The following USP19 variants were observed in gnomAD, a reference collection of about 807,000 sequenced individuals.
USP19 encodes ubiquitin specific peptidase 19, also known as ubiquitin carboxyl-terminal hydrolase 19.
Under a neutral mutation model 144.8 loss-of-function variants are expected in USP19, and 40 were observed. That is an observed-to-expected ratio of 0.28 (90% CI 0.21 to 0.36). The LOEUF (loss-of-function observed/expected upper bound fraction) is 0.36. USP19 is among the 10% of genes least tolerant of loss of function. The pLI is 1.00. For missense variants in USP19, 1,518 were observed against 1,822.5 expected, an observed-to-expected ratio of 0.83 and a Z score of 3.04; for synonymous variants, 701 against 709.3, an observed-to-expected ratio of 0.99 and a Z score of 0.19.
rs1222449410 is a variant in USP19 at position 49,115,339 on chromosome 3, G to C, written c.1911C>G (p.Ile637Met). ...FFHDRSFEAE[I>M]NYNNPLGTGG... ...CAGTCCCTAGTGGGTTGTTGTAGTT[G>C]ATCTCAGCCTCAAAGGAGCGGTCTA... Residue 637 changes from isoleucine (I) to methionine (M), a missense_variant, in exon 13 of 27, where the codon ATC (isoleucine) becomes ATG (methionine). By Grantham distance (10) the Ile-to-Met change is conservative. Around this residue, in one of 5 missense-constraint regions of USP19, gnomAD observed 158 missense variants for 277.3 expected, o/e 0.57. Coordinates refer to ENST00000417901, the MANE Select transcript of USP19 (RefSeq NM_001199161.2). The surrounding 1 kb of genome is among the most constrained non-coding windows in gnomAD (Gnocchi z 6.6). 6.2e-7 allele frequency: 1 copy of C among 1,614,154 alleles called. No individual in the cohort carries two copies. Among genetic ancestry groups the C allele is most frequent in the Non-Finnish European group, 8.5e-7 (1 of 1,180,036 alleles).
chr3:49,109,686 C>T (rs187667486), intron 26 of USP19, among the ~76,000 whole-genome samples: 1 of 152,336 alleles, frequency 6.6e-6, no homozygotes, highest in Non-Finnish European at 1.5e-5. Flanking sequence ...GCCTATGGCA[C>T]ACCATGTCAC....
Position 49,110,680 on chromosome 3 carries a change from C to G in USP19, c.3698+31G>C. 1 of 1,612,162 alleles carries G rather than the reference C, an allele frequency of 6.2e-7. No individual in the cohort carries two copies. On this transcript the variant is annotated intron_variant, in intron 24 of 26. Coordinates refer to ENST00000417901, the MANE Select transcript of USP19 (RefSeq NM_001199161.2). The surrounding 1 kb of genome is among the most constrained non-coding windows in gnomAD (Gnocchi z 6.1). ...GGATGCCCATCCTGGTCCTCACACC[C>G]CACCCACAGTTACCAAGGTCCACTG...
rs771801780 is a variant in USP19 at position 49,108,393 on chromosome 3, C to A, written c.*19G>T. ...TGTGGGTGTCCCAAACCCAGTCCCC[C>A]CCATCAGCCAGGGACCTGCTAATCC... On this transcript the variant is annotated 3_prime_UTR_variant, in exon 27 of 27. Transcript: ENST00000417901. This position sits in a 1 kb window ranked among gnomAD's most constrained non-coding sequence, Gnocchi z 4.8. The A allele has an allele frequency of 9.0e-6, 10 of 1,106,898 alleles. No homozygotes were observed. The highest frequency in any genetic ancestry group is 6.0e-5 in the Admixed American group (2 of 33,582). 68.6% of individuals were successfully genotyped at this position (1,106,898 alleles called of 1,614,324 possible).
At position 49,110,083 on chromosome 3, in the gene USP19, C is replaced by G. The variant is rs2042913901; in HGVS notation, c.4038+101G>C. On this transcript the variant is annotated intron_variant, in intron 26 of 26. Coordinates refer to ENST00000417901, the MANE Select transcript of USP19 (RefSeq NM_001199161.2). This position sits in a 1 kb window ranked among gnomAD's most constrained non-coding sequence, Gnocchi z 6.1. ...TGCAATTCTCATGAATCCCAAGGCT[C>G]AATGGGCCTGTGGCTGGAGGAGAGG... 1 of 1,343,048 alleles carries G rather than the reference C, an allele frequency of 7.4e-7. No homozygotes were observed. Among genetic ancestry groups the G allele is most frequent in the African/African-American group, 1.5e-5 (1 of 68,246 alleles). The allele number at this position is 1,343,048 out of a possible 1,614,324, so 83.2% of individuals were successfully genotyped here. A position where few individuals can be genotyped will look rare whatever the true frequency, so the allele number is the denominator to read the frequency against.
chr3:49,111,093 C>T lies in USP19; in HGVS notation c.3402G>A (p.Glu1134=). ...GCTCCTTGGAGGCTACCAACACAAA[C>T]TCCTGCAAGCGCTCATTGTTCCGCC... is the stretch of plus-strand genomic sequence containing the variant. ...LVWRNNERLQ[E]FVLVASKELE... The change falls in exon 23 of 27, where the codon GAG becomes GAA. Residue 1134 remains glutamate, a synonymous_variant. Transcript: ENST00000417901. The surrounding 1 kb of genome is among the most constrained non-coding windows in gnomAD (Gnocchi z 5.9). 1 of 1,613,996 alleles carries T rather than the reference C, an allele frequency of 6.2e-7. No individual in the cohort carries two copies. The highest frequency in any genetic ancestry group is 8.5e-7 in the Non-Finnish European group (1 of 1,180,044).
Position 49,108,492 on chromosome 3 carries a change from TG to T in USP19, c.4074del (p.Thr1359ArgfsTer65), listed in dbSNP as rs1433203563. 10 of 1,265,202 alleles carry T rather than the reference TG, an allele frequency of 7.9e-6. No individual in the cohort carries two copies. Among genetic ancestry groups the T allele is most frequent in the Non-Finnish European group, 9.2e-6 (9 of 980,620 alleles). The allele number at this position is 1,265,202 out of a possible 1,614,324, so 78.4% of individuals were successfully genotyped here. A position where few individuals can be genotyped will look rare whatever the true frequency, so the allele number is the denominator to read the frequency against. The stretch of plus-strand genomic sequence containing the variant: ...GCGAAGCGTTCAGGGGCTGTCCGCG[TG>T]GGGGCCACCTCGGGGGCCTGGCCAG... The part of the protein sequence containing the change: ...LGPGQAPEVA[P>X]TRTAPERFAP... On this transcript the variant is annotated frameshift_variant, in exon 27 of 27. Coordinates refer to ENST00000417901, the MANE Select transcript of USP19 (RefSeq NM_001199161.2). LOFTEE classifies it high-confidence loss of function. The surrounding 1 kb of genome is among the most constrained non-coding windows in gnomAD (Gnocchi z 4.8).
In USP19 at chr3:49,108,527, C is replaced by A; in HGVS notation, c.4040G>T (p.Gly1347Val). The change falls in exon 27 of 27, where the codon GGA becomes GTA. Residue 1347 changes from glycine to valine, a missense_variant and splice_region_variant. Gly to Val is a moderately radical substitution (Grantham distance 109). Transcript: ENST00000417901. This position sits in a 1 kb window ranked among gnomAD's most constrained non-coding sequence, Gnocchi z 4.8. The stretch of plus-strand genomic sequence containing the variant: ...CTCGGGGGCCTGGCCAGGGCCTAGT[C>A]CCTGCAACAGAATACGAGGACAGGG... ...GPAAEAAASQ[G>V]LGPGQAPEVA... The A allele has an allele frequency of 8.0e-7, 1 of 1,253,144 alleles. No homozygotes were observed. The highest frequency in any genetic ancestry group is 1.0e-6 in the Non-Finnish European group (1 of 978,080). The allele number at this position is 1,253,144 out of a possible 1,614,324, so 77.6% of individuals were successfully genotyped here. A position where few individuals can be genotyped will look rare whatever the true frequency, so the allele number is the denominator to read the frequency against.
chr3:49,112,276 G>T lies in USP19; in HGVS notation c.2765+8C>A, dbSNP rs1436014112. 6.2e-7 allele frequency: 1 copy of T among 1,602,254 alleles called. No individual in the cohort carries two copies. The highest frequency in any genetic ancestry group is 1.1e-5 in the South Asian group (1 of 89,554). ...AGAAAGGGTAGGGGAGACCATGGGG[G>T]TCCTCACTGGTTGCAGTAGCCCACA... is the stretch of plus-strand genomic sequence containing the variant. On this transcript the variant is annotated splice_region_variant and intron_variant, in intron 19 of 26. Transcript: ENST00000417901. The surrounding 1 kb of genome is among the most constrained non-coding windows in gnomAD (Gnocchi z 4.9).
Position 49,115,360 on chromosome 3 carries a change from G to A in USP19, c.1890C>T (p.Asp630=), listed in dbSNP as rs771064321. Residue 630 remains aspartate, a splice_region_variant and synonymous_variant, in exon 13 of 27, where the codon GAC becomes GAT. Coordinates refer to ENST00000417901, the MANE Select transcript of USP19 (RefSeq NM_001199161.2). The surrounding 1 kb of genome is among the most constrained non-coding windows in gnomAD (Gnocchi z 6.6). The part of the protein sequence containing the change: ...NTRELRDFFH[D]RSFEAEINYN... ...AGTTGATCTCAGCCTCAAAGGAGCG[G>A]TCTAGGAATAGTAGCCGAGCAAAGG... The A allele has an allele frequency of 8.1e-6, 13 of 1,614,030 alleles. No individual in the cohort carries two copies. In the Admixed American group the frequency reaches 2.2e-4, roughly 27 times the overall value.
chr3:49,108,991 G>C lies in USP19; in HGVS notation c.4039-463C>G, dbSNP rs778689841. 17 of 1,613,290 alleles carry C rather than the reference G, an allele frequency of 1.1e-5. No individual in the cohort carries two copies. Among genetic ancestry groups the C allele is most frequent in the Non-Finnish European group, 5.1e-6 (6 of 1,179,810 alleles). Reference sequence around the variant, plus strand: ...AGCGACTCTGGGATACCAGAGGATAGAACACGTTGAGCACGAGGGCCACCA... The same window carrying C: ...AGCGACTCTGGGATACCAGAGGATACAACACGTTGAGCACGAGGGCCACCA... On this transcript the variant is annotated intron_variant, in intron 26 of 26. Transcript: ENST00000417901. The surrounding 1 kb of genome is among the most constrained non-coding windows in gnomAD (Gnocchi z 4.8).
Position 49,116,391 on chromosome 3 carries a change from A to G in USP19, c.1284-40T>C, listed in dbSNP as rs751892540. The G allele has an allele frequency of 5.6e-6, 9 of 1,613,954 alleles. No individual in the cohort carries two copies. In the East Asian group the frequency reaches 2.0e-4, roughly 36 times the overall value. On this transcript the variant is annotated intron_variant, in intron 8 of 26. Transcript: ENST00000417901. This position sits in a 1 kb window ranked among gnomAD's most constrained non-coding sequence, Gnocchi z 5.0. ...CAGGATAGGAGGAAGGACAAGAGGAAGAGCATGAGACATACTGTCCCACCT... is the reference window on the plus strand; with the variant it reads ...CAGGATAGGAGGAAGGACAAGAGGAGGAGCATGAGACATACTGTCCCACCT...
In USP19 at chr3:49,110,623, C is replaced by T. The variant is rs1299469563; in HGVS notation, c.3699-19G>A. 6.2e-7 allele frequency: 1 copy of T among 1,613,104 alleles called. No homozygotes were observed. Among genetic ancestry groups the T allele is most frequent in the Admixed American group, 1.7e-5 (1 of 60,004 alleles). The stretch of plus-strand genomic sequence containing the variant: ...CAGGTTCCTGCAGGTCAGGTCCAGT[C>T]AGGGAGGGGTGAGACAGGCAACAGG... On this transcript the variant is annotated intron_variant, in intron 24 of 26. Coordinates refer to ENST00000417901, the MANE Select transcript of USP19 (RefSeq NM_001199161.2). This position sits in a 1 kb window ranked among gnomAD's most constrained non-coding sequence, Gnocchi z 6.1.
chr3:49,115,525 C>A lies in USP19; in HGVS notation c.1807G>T (p.Val603Phe). Residue 603 changes from valine to phenylalanine, a missense_variant, in exon 12 of 27, where the codon GTC (valine) becomes TTC (phenylalanine). By Grantham distance (50) the Val-to-Phe change is conservative. Around this residue, in one of 5 missense-constraint regions of USP19, gnomAD observed 158 missense variants for 277.3 expected, o/e 0.57. Transcript: ENST00000417901. This position sits in a 1 kb window ranked among gnomAD's most constrained non-coding sequence, Gnocchi z 6.6. ...ATGAAGCAGGTGTTGCCTAAATTGA[C>A]AAGGCCAGTGAAGCCTGGCAGACAC... is the stretch of plus-strand genomic sequence containing the variant. ...KVCLPGFTGLVNLGNTCFMNS... is the reference protein window; with the variant it reads ...KVCLPGFTGLFNLGNTCFMNS... 6.2e-7 allele frequency: 1 copy of A among 1,614,226 alleles called. No individual in the cohort carries two copies. The highest frequency in any genetic ancestry group is 8.5e-7 in the Non-Finnish European group (1 of 1,180,042).
rs371094819 is a variant in USP19, at chr3:49,114,082, G to A, written c.2415C>T (p.Ser805=). 6.8e-5 allele frequency: 109 copies of A among 1,614,110 alleles called. No individual in the cohort carries two copies. The highest frequency in any genetic ancestry group is 8.0e-5 in the Non-Finnish European group (94 of 1,180,050). The change falls in exon 17 of 27, where the codon AGC becomes AGT. Residue 805 remains serine (S), a synonymous_variant. Coordinates refer to ENST00000417901, the MANE Select transcript of USP19 (RefSeq NM_001199161.2). This position sits in a 1 kb window ranked among gnomAD's most constrained non-coding sequence, Gnocchi z 4.5. ...PHSKPIKFLV[S]VSKENSTASE... The stretch of plus-strand genomic sequence containing the variant: ...TCGCAGTGGAGTTCTCCTTGCTGAC[G>A]CTCACCAGGAACTGTGGCAAAAAGG...
chr3:49,115,074 T>C lies in USP19; in HGVS notation c.2066A>G (p.Gln689Arg), dbSNP rs1202094486. The change falls in exon 14 of 27, where the codon CAG (glutamine) becomes CGG (arginine). Residue 689 changes from glutamine (Q) to arginine (R), a missense_variant. This residue lies in a region of USP19 where 158 missense variants were observed against 277.3 expected (regional missense o/e 0.57). Transcript: ENST00000417901. The surrounding 1 kb of genome is among the most constrained non-coding windows in gnomAD (Gnocchi z 6.6). ...AGCCATGAACTCCTGGGCATCATGC[T>C]GTGCATAGCCTGTGAACTGGCTGGC... Reference protein sequence around the residue: ...SKASQFTGYAQHDAQEFMAFL... With the variant: ...SKASQFTGYARHDAQEFMAFL... 1.2e-6 allele frequency: 2 copies of C among 1,614,116 alleles called. No individual in the cohort carries two copies. Among genetic ancestry groups the C allele is most frequent in the Admixed American group, 1.7e-5 (1 of 60,012 alleles).
rs1475289105 is a variant in USP19, at chr3:49,119,275, G to A, written c.-130C>T. 1.0e-5 allele frequency: 13 copies of A among 1,293,266 alleles called. No homozygotes were observed. Among genetic ancestry groups the A allele is most frequent in the African/African-American group, 1.5e-5 (1 of 67,308 alleles). 80.1% of individuals were successfully genotyped at this position (1,293,266 alleles called of 1,614,324 possible). A position where few individuals can be genotyped will look rare whatever the true frequency, so the allele number is the denominator to read the frequency against. On this transcript the variant is annotated 5_prime_UTR_variant, in exon 2 of 27. Transcript: ENST00000417901. ...GTGGCCAAATTCTCCAGCAAGGAAC[G>A]GACAGCCTAATGGAAAGAAGCCAGT...
Position 49,110,773 on chromosome 3 carries a change from G to C in USP19, c.3636C>G (p.Arg1212=), listed in dbSNP as rs1415935594. The change falls in exon 24 of 27, where the codon CGC becomes CGG. Residue 1212 remains arginine, a synonymous_variant. Coordinates refer to ENST00000417901, the MANE Select transcript of USP19 (RefSeq NM_001199161.2). The surrounding 1 kb of genome is among the most constrained non-coding windows in gnomAD (Gnocchi z 6.1). ...GCCAGATAAAACTACGAAAGGAGAAGCGCTTGAGCTGCACGATGAGAACAT... is the reference window on the plus strand; with the variant it reads ...GCCAGATAAAACTACGAAAGGAGAACCGCTTGAGCTGCACGATGAGAACAT... ...LPNVLIVQLK[R]FSFRSFIWRD... 1.2e-6 allele frequency: 2 copies of C among 1,614,188 alleles called. No individual in the cohort carries two copies. The highest frequency in any genetic ancestry group is 2.2e-5 in the South Asian group (2 of 91,086).
chr3:49,111,341 G>A lies in USP19; in HGVS notation c.3242C>T (p.Pro1081Leu). 1 of 1,614,086 alleles carries A rather than the reference G, an allele frequency of 6.2e-7. No individual in the cohort carries two copies. Among genetic ancestry groups the A allele is most frequent in the Non-Finnish European group, 8.5e-7 (1 of 1,180,034 alleles). The change falls in exon 22 of 27, where the codon CCA becomes CTA. Residue 1081 changes from proline (P) to leucine (L), a missense_variant. Around this residue, in one of 5 missense-constraint regions of USP19, gnomAD observed 413 missense variants for 515.8 expected, o/e 0.80. Transcript: ENST00000417901. This position sits in a 1 kb window ranked among gnomAD's most constrained non-coding sequence, Gnocchi z 5.9. Reference sequence around the variant, plus strand: ...TGTGTGGGCATTCATAGCTTCACTTGGATGCTGGTACCCAGGCACAGCAGC... The same window carrying A: ...TGTGTGGGCATTCATAGCTTCACTTAGATGCTGGTACCCAGGCACAGCAGC... ...PEAAVPGYQH[P>L]SEAMNAHTPQ...
At position 49,115,959 on chromosome 3, in the gene USP19, A is replaced by G. The variant is rs746681135; in HGVS notation, c.1472-15T>C. ...ACCCACTGCACCTTAAAAAGGGGGAATGAGAGGGCTGGTGGTTAGCAGCAT... is the reference window on the plus strand; with the variant it reads ...ACCCACTGCACCTTAAAAAGGGGGAGTGAGAGGGCTGGTGGTTAGCAGCAT... On this transcript the variant is annotated splice_polypyrimidine_tract_variant and intron_variant, in intron 10 of 26. Coordinates refer to ENST00000417901, the MANE Select transcript of USP19 (RefSeq NM_001199161.2). The surrounding 1 kb of genome is among the most constrained non-coding windows in gnomAD (Gnocchi z 6.6). The G allele has an allele frequency of 5.1e-6, 8 of 1,554,396 alleles. No individual in the cohort carries two copies. The highest frequency in any genetic ancestry group is 1.7e-4 in the Middle Eastern group (1 of 5,778).
Sources: allele counts gnomAD v4.1 joint callset (sites outside exome capture counted in the v4.1 genomes callset), GRCh38; gene constraint gnomAD v4.1.1; regional missense constraint gnomAD v4.1.1; non-coding constraint Gnocchi (gnomAD v3.1); transcripts MANE v1.5; gene names NCBI Gene and HGNC (gene_info 2026-07-23, HGNC 2026-07-21).